The following EPS8 variants were observed in gnomAD, a reference collection of about 807,000 sequenced individuals.
The protein encoded by EPS8 is epidermal growth factor receptor kinase substrate 8.
EPS8 carries 42 observed loss-of-function variants against 103.8 expected under a neutral mutation model. The ratio of observed to expected loss-of-function variants is 0.40; its 90% CI spans 0.32 to 0.52. The LOEUF is 0.52. EPS8 is among the 20% of genes least tolerant of loss of function. The probability of loss-of-function intolerance (pLI) is 0.40; values close to 1 mark genes in which losing one functional copy is unlikely to be tolerated. For missense variants in EPS8, 969 were observed against 1,005.1 expected, an observed-to-expected ratio of 0.96 and a Z score of 0.49; for synonymous variants, 344 against 344.6, an observed-to-expected ratio of 1.00 and a Z score of 0.02.
At chr12:15,662,244 A>C (rs1945618931) in intron 8 of EPS8, 145 bp from the exon 9 acceptor site, 3 of 1,477,974 alleles carry the variant, frequency 2.0e-6, no homozygotes, top group East Asian at 4.7e-5. Flanking sequence ...AACTGTGCTC[A>C]TCAGCCATGA....
chr12:15,621,318 T>A lies in EPS8; in HGVS notation c.2468A>T (p.Ter823LeuextTer46), dbSNP rs2135703821. 1 of 1,540,094 alleles carries A rather than the reference T, an allele frequency of 6.5e-7. No homozygotes were observed. The highest frequency in any genetic ancestry group is 1.4e-5 in the African/African-American group (1 of 71,688). Reference protein sequence around the residue: ...VESFDEGSSH* With the variant: ...VESFDEGSSHL ...GGAGTTTAAATACAAACAAACAAAT[T>A]AGTGACTGCTTCCTTCATCAAAAGA... Residue 823 changes from the stop codon to leucine, a stop_lost, in exon 21 of 21, where the codon TAA becomes TTA. Transcript: ENST00000281172.
chr12:15,677,286 A>G (rs1484235966), intron 3 of EPS8, among the ~76,000 whole-genome samples: 1 of 152,168 alleles, frequency 6.6e-6, no homozygotes, highest in Non-Finnish European at 1.5e-5. Flanking sequence ...GGGGCCAATC[A>G]TTTGTGAAAG....
Position 15,696,141 on chromosome 12 carries a change from G to A in EPS8, c.-21-13169C>T, listed in dbSNP as rs1946240559. Among the ~76,000 whole-genome samples, 1 of 152,112 alleles carries A rather than the reference G, an allele frequency of 6.6e-6. No homozygotes were observed. The highest frequency in any genetic ancestry group is 2.4e-5 in the African/African-American group (1 of 41,432). On this transcript the variant is annotated intron_variant, in intron 1 of 20. Coordinates refer to ENST00000281172, the MANE Select transcript of EPS8 (RefSeq NM_004447.6). The surrounding 1 kb of genome is among the most constrained non-coding windows in gnomAD (Gnocchi z 4.8). ...CAAAGAATTTATGCATTTATTGAAA[G>A]TGTTTTTAATGTTTCAAGACAAGGT...
intron 3 of EPS8, among the ~76,000 whole-genome samples, chr12:15,677,700 A>G (rs1207732027): frequency 6.6e-6 from 1 of 152,138 alleles, no homozygotes; most frequent in Non-Finnish European, 1.5e-5. Flanking sequence ...TTAAGAAGAG[A>G]CACTGCCAGC....
At chr12:15,672,346 T>C (rs375983612) in intron 3 of EPS8, 7 of 395,600 alleles carry the variant, frequency 1.8e-5, no homozygotes, top group African/African-American at 8.2e-5. Context: ...AATCTCCATG[T>C]CCTTGTATCA....
intron 8 of EPS8, chr12:15,662,335 C>G: frequency 8.0e-7 from 1 of 1,249,756 alleles, no homozygotes. Flanking sequence ...TGTTAATTTA[C>G]CTTGTAATAT....
Position 15,734,610 on chromosome 12 carries a change from C to T in EPS8, c.-21-51638G>A, listed in dbSNP as rs1946750007. Among the ~76,000 whole-genome samples the T allele has an allele frequency of 6.6e-6, 1 of 152,098 alleles. No individual in the cohort carries two copies. Among genetic ancestry groups the T allele is most frequent in the Non-Finnish European group, 1.5e-5 (1 of 68,026 alleles). On this transcript the variant is annotated intron_variant, in intron 1 of 20. Coordinates refer to ENST00000281172, the MANE Select transcript of EPS8 (RefSeq NM_004447.6). This position sits in a 1 kb window ranked among gnomAD's most constrained non-coding sequence, Gnocchi z 4.1. ...TCGGGAGGCTGAGGCAGGAGAATGGCGTGAACCTGGGAGGCGGACCTTGCA... is the reference window on the plus strand; with the variant it reads ...TCGGGAGGCTGAGGCAGGAGAATGGTGTGAACCTGGGAGGCGGACCTTGCA...
chr12:15,680,818 A>G (rs1273938862), intron 3 of EPS8, among the ~76,000 whole-genome samples: 1 of 152,218 alleles, frequency 6.6e-6, no homozygotes. Context: ...AAGAAATTAT[A>G]TAACATCTAT....
In EPS8 at chr12:15,696,665, T is replaced by G. The variant is rs1946247487; in HGVS notation, c.-21-13693A>C. Among the ~76,000 whole-genome samples, 1 of 151,866 alleles carries G rather than the reference T, an allele frequency of 6.6e-6. No individual in the cohort carries two copies. Among genetic ancestry groups the G allele is most frequent in the Admixed American group, 6.6e-5 (1 of 15,232 alleles). On this transcript the variant is annotated intron_variant, in intron 1 of 20. Coordinates refer to ENST00000281172, the MANE Select transcript of EPS8 (RefSeq NM_004447.6). The surrounding 1 kb of genome is among the most constrained non-coding windows in gnomAD (Gnocchi z 4.8). ...AAATAAAAAAACAAAAACATGGACT[T>G]GATGAATCAGAAGGTCAGAGAAAAA...
In EPS8 at chr12:15,752,730, T is replaced by A. The variant is rs1946946623; in HGVS notation, c.-22+36431A>T. Reference sequence around the variant, plus strand: ...ACCCCGACAGTGAAGATATTAATAATGATGATGTTGGTCATGATAAAAATA... The same window carrying A: ...ACCCCGACAGTGAAGATATTAATAAAGATGATGTTGGTCATGATAAAAATA... On this transcript the variant is annotated intron_variant, in intron 1 of 20. Transcript: ENST00000281172. This position sits in a 1 kb window ranked among gnomAD's most constrained non-coding sequence, Gnocchi z 4.4. Among the ~76,000 whole-genome samples the A allele has an allele frequency of 6.6e-6, 1 of 152,104 alleles. No homozygotes were observed. Among genetic ancestry groups the A allele is most frequent in the African/African-American group, 2.4e-5 (1 of 41,400 alleles).
chr12:15,782,217 G>A (rs1378344799), intron 1 of EPS8: 1 of 152,146 alleles, frequency 6.6e-6, no homozygotes, highest in Admixed American at 6.5e-5. Context: ...CTCGGGCTGG[G>A]TGTGGTGGCT....
rs192344114 is a variant in EPS8, at chr12:15,693,999, C to T, written c.-21-11027G>A. Among the ~76,000 whole-genome samples, 258 of 152,294 alleles carry T rather than the reference C, an allele frequency of 1.7e-3. 1 individual carries two copies. Among genetic ancestry groups the T allele is most frequent in the African/African-American group, 4.5e-3 (188 of 41,566 alleles). On this transcript the variant is annotated intron_variant, in intron 1 of 20. Transcript: ENST00000281172. This position sits in a 1 kb window ranked among gnomAD's most constrained non-coding sequence, Gnocchi z 5.6. ...ACAGGGGCAGCAAACCACAATGGAACACGTATACCTATGTAACAAACCTGC... is the reference window on the plus strand; with the variant it reads ...ACAGGGGCAGCAAACCACAATGGAATACGTATACCTATGTAACAAACCTGC...
chr12:15,732,734 G>C (rs963194793), intron 1 of EPS8: 2 of 971,588 alleles, frequency 2.1e-6, no homozygotes, highest in South Asian at 4.8e-5. Flanking sequence ...GCAATAAAGA[G>C]AACACAAAAG....
chr12:15,763,518 C>T (rs1177787880), intron 1 of EPS8, among the ~76,000 whole-genome samples: 1 of 152,172 alleles, frequency 6.6e-6, no homozygotes, highest in Non-Finnish European at 1.5e-5. Context: ...AGGCAATTTA[C>T]CATCCTGCAC....
rs765332123 is a variant in EPS8, at chr12:15,641,713, T to A, written c.1677+9A>T. ...TATTAAGAGTATAAAAAAGAAAAAA[T>A]TATATTACCTCTAAAATATCATCCT... On this transcript the variant is annotated intron_variant, in intron 16 of 20. Transcript: ENST00000281172. The A allele has an allele frequency of 3.6e-5, 51 of 1,427,782 alleles. No homozygotes were observed. Among genetic ancestry groups the A allele is most frequent in the Non-Finnish European group, 4.2e-5 (44 of 1,046,308 alleles). The allele number at this position is 1,427,782 out of a possible 1,614,324, so 88.4% of individuals were successfully genotyped here.
At chr12:15,719,657 G>A (rs1480873995) in intron 1 of EPS8, among the ~76,000 whole-genome samples, 3 of 152,166 alleles carry the variant, frequency 2.0e-5, no homozygotes, top group African/African-American at 7.2e-5. Context: ...TTGCCCAGGT[G>A]GCAGAATTTA....
rs1391016977 is a variant in EPS8, at chr12:15,716,093, A to G, written c.-21-33121T>C. Among the ~76,000 whole-genome samples, 1 of 152,198 alleles carries G rather than the reference A, an allele frequency of 6.6e-6. No homozygotes were observed. Among genetic ancestry groups the G allele is most frequent in the Non-Finnish European group, 1.5e-5 (1 of 68,036 alleles). ...TATAATCATAAAATTCCAACCCAAC[A>G]TTTCAAAGTATCACTAAACTTGAGA... is the stretch of plus-strand genomic sequence containing the variant. On this transcript the variant is annotated intron_variant, in intron 1 of 20. Transcript: ENST00000281172. This position sits in a 1 kb window ranked among gnomAD's most constrained non-coding sequence, Gnocchi z 5.0.
chr12:15,667,199 C>T (rs1945729302), intron 6 of EPS8, among the ~76,000 whole-genome samples: 1 of 152,116 alleles, frequency 6.6e-6, no homozygotes, highest in South Asian at 2.1e-4. Context: ...ATGAGATGCA[C>T]CATCTATGTT....
rs781347279 is a variant in EPS8, at chr12:15,669,830, C to T, written c.205-5G>A. ...CAGGACAAAGGTAGTCAAGTGCTTACAATTGGCAAAAAGGAAAAAGATTTA... is the reference window on the plus strand; with the variant it reads ...CAGGACAAAGGTAGTCAAGTGCTTATAATTGGCAAAAAGGAAAAAGATTTA... On this transcript the variant is annotated splice_polypyrimidine_tract_variant and splice_region_variant and intron_variant, in intron 4 of 20. Coordinates refer to ENST00000281172, the MANE Select transcript of EPS8 (RefSeq NM_004447.6). The T allele has an allele frequency of 1.3e-6, 2 of 1,577,352 alleles. No individual in the cohort carries two copies. Among genetic ancestry groups the T allele is most frequent in the South Asian group, 1.2e-5 (1 of 85,566 alleles).
Sources: gnomAD v4.1 joint callset for allele counts (sites outside exome capture counted in the v4.1 genomes callset) on GRCh38, gnomAD v4.1.1 for gene constraint, Gnocchi (gnomAD v3.1) non-coding constraint, MANE v1.5 for transcripts, NCBI Gene and HGNC (gene_info 2026-07-23, HGNC 2026-07-21) for gene names.